Variants in DNAJC16 observed in about 807,000 individuals in gnomAD.
DNAJC16 encodes the protein DnaJ heat shock protein family (Hsp40) member C16, also known as dnaJ homolog subfamily C member 16.
In DNAJC16, 76 loss-of-function variants were observed where a neutral mutation model predicts 92.7. The observed-to-expected ratio is 0.82, with a 90% CI of 0.68 to 0.99. The LOEUF (loss-of-function observed/expected upper bound fraction) is 0.99. Among genes scored for constraint, DNAJC16 ranks in the 50% least tolerant of loss-of-function variants. DNAJC16 has a pLI of 0.00. For missense variants in DNAJC16, 869 were observed against 942.4 expected, an observed-to-expected ratio of 0.92 and a Z score of 1.02; for synonymous variants, 328 against 358.7, an observed-to-expected ratio of 0.91 and a Z score of 0.97.
chr1:15,543,413 A>G (rs945005565), intron 4 of DNAJC16, among the ~76,000 whole-genome samples: 1 of 152,248 alleles, frequency 6.6e-6, no homozygotes, highest in Non-Finnish European at 1.5e-5. Flanking sequence ...CACTGTCTTC[A>G]TAGCACAGCA....
chr1:15,550,909 G>A (rs987104607), intron 7 of DNAJC16, among the ~76,000 whole-genome samples: 3 of 152,114 alleles, frequency 2.0e-5, no homozygotes, highest in African/African-American at 4.8e-5. Flanking sequence ...TCACTCTGTC[G>A]CCCAGGCTGG....
At position 15,562,188 on chromosome 1, in the gene DNAJC16, C is replaced by G. The variant is rs569762104; in HGVS notation, c.1201C>G (p.Pro401Ala). The G allele has an allele frequency of 6.8e-6, 11 of 1,613,858 alleles. No individual in the cohort carries two copies. The highest frequency in any genetic ancestry group is 9.3e-6 in the Non-Finnish European group (11 of 1,179,922). ...LTAETTKLSK[P>A]FEAFLSFALA... Reference sequence around the variant, plus strand: ...TGCTGAGACTACCAAGTTGAGCAAACCCTTTGAGGCTTTCCTGTCCTTTGC... The same window carrying G: ...TGCTGAGACTACCAAGTTGAGCAAAGCCTTTGAGGCTTTCCTGTCCTTTGC... Residue 401 changes from proline (P) to alanine (A), a missense_variant, in exon 9 of 15, where the codon CCC becomes GCC. Coordinates refer to ENST00000375847, the MANE Select transcript of DNAJC16 (RefSeq NM_015291.4).
chr1:15,536,436 AC>A lies in DNAJC16; in HGVS notation c.235-37del. ...GCTTACAAAAAAGTCTTTTGGATGA[AC>A]CTTTTGTTGTTGTTTAGATTTTTTT... On this transcript the variant is annotated intron_variant, in intron 3 of 14. Coordinates refer to ENST00000375847, the MANE Select transcript of DNAJC16 (RefSeq NM_015291.4). 4 of 1,497,322 alleles carry A rather than the reference AC, an allele frequency of 2.7e-6. No individual in the cohort carries two copies. The South Asian group carries it at 5.4e-5, about 20-fold the overall frequency. The allele number at this position is 1,497,322 out of a possible 1,614,324, so 92.8% of individuals were successfully genotyped here. A position where few individuals can be genotyped will look rare whatever the true frequency, so the allele number is the denominator to read the frequency against.
intron 6 of DNAJC16, 105 bp downstream of exon 6, chr1:15,546,976 T>G: frequency 1.1e-6 from 1 of 891,524 alleles, no homozygotes; most frequent in Non-Finnish European, 1.7e-6. Context: ...AGCCTATTTG[T>G]CTTTTTTGTA....
At chr1:15,558,411 T>A (rs1638619561) in intron 7 of DNAJC16, among the ~76,000 whole-genome samples, 1 of 151,548 alleles carries the variant, frequency 6.6e-6, no homozygotes, top group African/African-American at 2.4e-5. Flanking sequence ...GGTCTCGATC[T>A]TCTAAGCTCA....
intron 4 of DNAJC16, among the ~76,000 whole-genome samples, chr1:15,543,406 T>C (rs959515428): frequency 7.2e-5 from 11 of 152,236 alleles, no homozygotes; most frequent in African/African-American, 2.4e-4. Flanking sequence ...GAGCATCCAC[T>C]GTCTTCATAG....
At position 15,534,222 on chromosome 1, in the gene DNAJC16, CTGTT is replaced by C; in HGVS notation, c.168-11_168-8del. Reference sequence around the variant, plus strand: ...AGTTACATCCTTTCTCACCGCCTGCCTGTTTGTGTTTCAGGCATCCTGACAAAAA... The same window carrying C: ...AGTTACATCCTTTCTCACCGCCTGCCTGTGTTTCAGGCATCCTGACAAAAA... On this transcript the variant is annotated splice_polypyrimidine_tract_variant and intron_variant, in intron 2 of 14. Transcript: ENST00000375847. 1 of 1,613,872 alleles carries C rather than the reference CTGTT, an allele frequency of 6.2e-7. No individual in the cohort carries two copies. The highest frequency in any genetic ancestry group is 8.5e-7 in the Non-Finnish European group (1 of 1,179,866).
chr1:15,537,358 A>G (rs956061418), intron 4 of DNAJC16, among the ~76,000 whole-genome samples: 1 of 152,196 alleles, frequency 6.6e-6, no homozygotes, highest in Admixed American at 6.5e-5. Flanking sequence ...TCCAGTGTTT[A>G]AAGAGAAGTG....
chr1:15,561,422 C>T (rs543515283), intron 8 of DNAJC16, among the ~76,000 whole-genome samples: 21 of 152,278 alleles, frequency 1.4e-4, no homozygotes, highest in African/African-American at 4.1e-4. Flanking sequence ...CAGTGGCTCA[C>T]GCCTATAATC....
chr1:15,557,500 T>A (rs1223117419), intron 7 of DNAJC16, among the ~76,000 whole-genome samples: 2 of 152,100 alleles, frequency 1.3e-5, no homozygotes, highest in Non-Finnish European at 2.9e-5. Flanking sequence ...TATATTCATT[T>A]CTTGTTTCAT....
Position 15,555,211 on chromosome 1 carries a change from A to T in DNAJC16, c.1024-4315A>T, listed in dbSNP as rs570104149. On this transcript the variant is annotated intron_variant, in intron 7 of 14. Transcript: ENST00000375847. The stretch of plus-strand genomic sequence containing the variant: ...GGCAACGTGGTAAAACCCCGTCTCT[A>T]CTAAAATACAAAAAAAAAGAAAAAA... 6.0e-5 allele frequency among the ~76,000 whole-genome samples: 9 copies of T among 151,256 alleles called. No homozygotes were observed. In the East Asian group the frequency reaches 1.7e-3, roughly 29 times the overall value.
At chr1:15,557,930 G>A (rs1157203535) in intron 7 of DNAJC16, among the ~76,000 whole-genome samples, 2 of 151,096 alleles carry the variant, frequency 1.3e-5, no homozygotes, top group Non-Finnish European at 2.9e-5. Context: ...TTTCTTTTAT[G>A]AGACAGGGTT....
intron 11 of DNAJC16, among the ~76,000 whole-genome samples, chr1:15,564,609 A>C (rs547723164): frequency 6.7e-6 from 1 of 150,326 alleles, no homozygotes; most frequent in African/African-American, 2.5e-5. Flanking sequence ...GATCACTGCA[A>C]CCTCCGCCTC....
intron 7 of DNAJC16, among the ~76,000 whole-genome samples, chr1:15,551,339 C>T (rs995879274): frequency 1.3e-5 from 2 of 152,172 alleles, no homozygotes; most frequent in Admixed American, 1.3e-4. Flanking sequence ...CAAGTGCTTA[C>T]CTTGCCACTT....
rs934649425 is a variant in DNAJC16 at position 15,571,226 on chromosome 1, G to T, written c.*3049G>T. ...CCTCATTTGCAGCTTGTTGATACTT[G>T]TTCCTTTTTATTTATTAACATCCCA... On this transcript the variant is annotated 3_prime_UTR_variant, in exon 15 of 15. Transcript: ENST00000375847. The T allele has an allele frequency of 2.6e-5, 4 of 152,084 alleles. No homozygotes were observed. The highest frequency in any genetic ancestry group is 4.4e-5 in the Non-Finnish European group (3 of 68,018). 9.4% of individuals were successfully genotyped at this position (152,084 alleles called of 1,614,324 possible). A position where few individuals can be genotyped will look rare whatever the true frequency, so the allele number is the denominator to read the frequency against.
chr1:15,528,427 C>T (rs1325244464), intron 1 of DNAJC16, among the ~76,000 whole-genome samples: 3 of 112,812 alleles, frequency 2.7e-5, no homozygotes, highest in African/African-American at 1.2e-4. Context: ...AGTGAAACTC[C>T]GTCTCAAAAA....
In DNAJC16 at chr1:15,566,094, T is replaced by G. The variant is rs747278539; in HGVS notation, c.1692T>G (p.Asp564Glu). 6.2e-7 allele frequency: 1 copy of G among 1,613,918 alleles called. No homozygotes were observed. The highest frequency in any genetic ancestry group is 2.2e-5 in the East Asian group (1 of 44,866). ...VIVQAFSDSN[D>E]ERESSPPEKE... ...TTTCTTACTTTAGCGACTCTAATGA[T>G]GAGCGAGAGTCAAGCCCTCCAGAAA... The change falls in exon 13 of 15, where the codon GAT (aspartate) becomes GAG (glutamate). Residue 564 changes from aspartate to glutamate, a missense_variant. Coordinates refer to ENST00000375847, the MANE Select transcript of DNAJC16 (RefSeq NM_015291.4).
chr1:15,571,450 CAT>C lies in DNAJC16; in HGVS notation c.*3274_*3275del, dbSNP rs1369417862. ...CTGTAGTTCACATCCACCTGTCTGA[CAT>C]TGTCCCCTAAAAACAAGTGCAGTGT... On this transcript the variant is annotated 3_prime_UTR_variant, in exon 15 of 15. Transcript: ENST00000375847. 3 of 152,640 alleles carry C rather than the reference CAT, an allele frequency of 2.0e-5. No individual in the cohort carries two copies. The South Asian group carries it at 6.2e-4, about 32-fold the overall frequency. The allele number at this position is 152,640 out of a possible 1,614,324, so 9.5% of individuals were successfully genotyped here.
chr1:15,536,386 A>G, intron 3 of DNAJC16, 89 bp from the exon 4 acceptor site: 1 of 1,130,138 alleles, frequency 8.8e-7, no homozygotes, highest in Non-Finnish European at 1.2e-6. Context: ...GGCTGCATTT[A>G]TTTTCTTCCT....
Sources: gnomAD v4.1 joint callset for allele counts (sites outside exome capture counted in the v4.1 genomes callset) on GRCh38, gnomAD v4.1.1 for gene constraint, MANE v1.5 for transcripts, NCBI Gene and HGNC (gene_info 2026-07-23, HGNC 2026-07-21) for gene names.